The following EMCN variants were observed in gnomAD, a reference collection of about 807,000 sequenced individuals.
The protein encoded by EMCN is MUC-14.
A neutral mutation model predicts 38.4 loss-of-function variants in EMCN; 37 were observed. The observed-to-expected ratio is 0.96, with a 90% CI of 0.74 to 1.27. EMCN has a LOEUF of 1.27. Among genes scored for constraint, EMCN ranks in the 50% most tolerant of loss-of-function variants. The probability of loss-of-function intolerance (pLI) is 0.00; values close to 1 mark genes in which losing one functional copy is unlikely to be tolerated. For missense variants in EMCN, 318 were observed against 302.8 expected (o/e 1.05, Z -0.37); for synonymous variants, 95 against 100.8 (o/e 0.94, Z 0.35).
intron 1 of EMCN, among the ~76,000 whole-genome samples, chr4:100,510,564 C>T (rs994137096): frequency 1.3e-5 from 2 of 152,154 alleles, no homozygotes; most frequent in African/African-American, 4.8e-5. Context: ...TAACATTTAT[C>T]TCATATCAGA....
At chr4:100,418,001 G>A (rs1726785800) in intron 8 of EMCN, among the ~76,000 whole-genome samples, 1 of 152,066 alleles carries the variant, frequency 6.6e-6, no homozygotes, top group African/African-American at 2.4e-5. Flanking sequence ...TCCTGGCTTT[G>A]ACTATCCTTG....
At chr4:100,487,123 CA>C in intron 1 of EMCN, 1 of 558,058 alleles carries the variant, frequency 1.8e-6, no homozygotes, top group Non-Finnish European at 2.3e-6. Flanking sequence ...GGCCTTCAGA[CA>C]CTTGTCCTGA....
chr4:100,402,692 T>C (rs1726289003), intron 11 of EMCN, among the ~76,000 whole-genome samples: 1 of 152,184 alleles, frequency 6.6e-6, no homozygotes, highest in African/African-American at 2.4e-5. Flanking sequence ...GCTTGGAATC[T>C]GAGGCTAGGA....
At chr4:100,509,444 G>C (rs1729567187) in intron 1 of EMCN, among the ~76,000 whole-genome samples, 1 of 152,116 alleles carries the variant, frequency 6.6e-6, no homozygotes, top group South Asian at 2.1e-4. Context: ...TAAAAACTGG[G>C]TTTGCAGAGA....
chr4:100,489,448 T>C (rs1472345551), intron 1 of EMCN, among the ~76,000 whole-genome samples: 1 of 152,166 alleles, frequency 6.6e-6, no homozygotes, highest in African/African-American at 2.4e-5. Context: ...ATGTGACACA[T>C]AACACCATTT....
chr4:100,443,394 A>G (rs974777333), intron 5 of EMCN, among the ~76,000 whole-genome samples: 2 of 152,194 alleles, frequency 1.3e-5, no homozygotes, highest in Admixed American at 6.5e-5. Flanking sequence ...GGTTACATGT[A>G]GGCACAGTGG....
At chr4:100,513,209 G>T (rs1266040954) in intron 1 of EMCN, among the ~76,000 whole-genome samples, 1 of 152,128 alleles carries the variant, frequency 6.6e-6, no homozygotes, top group Non-Finnish European at 1.5e-5. Flanking sequence ...CAGCAGTGGA[G>T]AAAGAATGCA....
At chr4:100,501,331 A>T (rs192260778) in intron 1 of EMCN, among the ~76,000 whole-genome samples, 1 of 152,232 alleles carries the variant, frequency 6.6e-6, no homozygotes, top group African/African-American at 2.4e-5. Context: ...CCGTTATACC[A>T]TCTTTGTTTT....
At chr4:100,413,373 T>G (rs940182318) in intron 10 of EMCN, among the ~76,000 whole-genome samples, 12 of 152,188 alleles carry the variant, frequency 7.9e-5, no homozygotes, top group Non-Finnish European at 4.4e-5. Flanking sequence ...TTAAGTTTTT[T>G]TTTTCTACTT....
chr4:100,488,471 A>C (rs2110289594), intron 1 of EMCN, among the ~76,000 whole-genome samples: 1 of 152,354 alleles, frequency 6.6e-6, no homozygotes, highest in East Asian at 1.9e-4. Flanking sequence ...TGTTAAAGGT[A>C]AAATTTGAAA....
At chr4:100,475,657 TC>T (rs1367123587) in intron 2 of EMCN, among the ~76,000 whole-genome samples, 1 of 116,274 alleles carries the variant, frequency 8.6e-6, no homozygotes, top group Non-Finnish European at 1.7e-5. Flanking sequence ...CCAATTCTAG[TC>T]CTTTTTTTTT....
At position 100,480,031 on chromosome 4, in the gene EMCN, C is replaced by A; in HGVS notation, c.73G>T (p.Glu25Ter). 6.2e-7 allele frequency: 1 copy of A among 1,604,112 alleles called. No individual in the cohort carries two copies. The highest frequency in any genetic ancestry group is 2.3e-5 in the East Asian group (1 of 44,392). The change falls in exon 2 of 12, where the codon GAG becomes TAG. Residue 25 changes from glutamate to a stop codon, truncating the protein, a stop_gained. Transcript: ENST00000296420. LOFTEE classifies it high-confidence loss of function. The stretch of plus-strand genomic sequence containing the variant: ...ACAACAAGTGAATTATTAGCTGCCT[C>A]TAAAACACCTGAAAAAAGTAAAGTA... ...ICSSNSTGVLEAANNSLVVTT... is the reference protein window; with the variant it reads ...ICSSNSTGVL
chr4:100,422,973 A>G (rs772441371), intron 7 of EMCN, 48 bp downstream of exon 7: 5 of 1,577,858 alleles, frequency 3.2e-6, no homozygotes, highest in Non-Finnish European at 1.7e-6. Flanking sequence ...TCACATTCAA[A>G]CATTCTGCAT....
chr4:100,445,728 G>A (rs1501079), intron 5 of EMCN, among the ~76,000 whole-genome samples: 32,652 of 151,984 alleles, frequency 0.21, 4,471 homozygotes, highest in Non-Finnish European at 0.32. Context: ...AAAAAAACCA[G>A]AAGTATAAAG....
intron 1 of EMCN, among the ~76,000 whole-genome samples, chr4:100,510,103 A>G (rs1729588393): frequency 6.6e-6 from 1 of 152,168 alleles, no homozygotes; most frequent in Admixed American, 6.5e-5. Context: ...TCACATTAAT[A>G]CCGTGTTTCC....
chr4:100,400,925 G>T (rs2110203117), intron 11 of EMCN, among the ~76,000 whole-genome samples: 1 of 151,722 alleles, frequency 6.6e-6, no homozygotes, highest in South Asian at 2.1e-4. Context: ...TTAGTGTGTT[G>T]GCTTCAATAA....
intron 1 of EMCN, among the ~76,000 whole-genome samples, chr4:100,488,392 A>G (rs137891318): frequency 4.6e-5 from 7 of 152,300 alleles, no homozygotes; most frequent in Non-Finnish European, 8.8e-5. Context: ...TTCATTTACA[A>G]TTTGGTGATG....
chr4:100,439,559 T>A (rs1578195391), intron 5 of EMCN, among the ~76,000 whole-genome samples: 1 of 114,986 alleles, frequency 8.7e-6, no homozygotes, highest in African/African-American at 2.9e-5. Context: ...GGTTTATCCA[T>A]TTTTTTTTAT....
At chr4:100,494,763 G>T (rs1353898099) in intron 1 of EMCN, among the ~76,000 whole-genome samples, 2 of 151,160 alleles carry the variant, frequency 1.3e-5, no homozygotes, top group Non-Finnish European at 2.9e-5. Context: ...TTCTGCTGCG[G>T]AAAATAAAAC....
Sources: allele counts gnomAD v4.1 joint callset (sites outside exome capture counted in the v4.1 genomes callset), GRCh38; gene constraint gnomAD v4.1.1; transcripts MANE v1.5; gene names NCBI Gene and HGNC (gene_info 2026-07-23, HGNC 2026-07-21).